COG5: variants seen among roughly 807,000 people sequenced by gnomAD.
COG5 encodes the protein component of oligomeric golgi complex 5, also known as conserved oligomeric Golgi complex subunit 5.
A neutral mutation model predicts 110.4 loss-of-function variants in COG5; 86 were observed. The observed-to-expected ratio is 0.78, with a 90% CI of 0.65 to 0.93. COG5 has a LOEUF of 0.93. COG5 is among the 40% of genes least tolerant of loss of function. The probability of loss-of-function intolerance (pLI) is 0.00; values close to 1 mark genes in which losing one functional copy is unlikely to be tolerated. For synonymous variants in COG5, 360 were observed against 334.6 expected, an observed-to-expected ratio of 1.08 and a Z score of -0.83; for missense variants, 1,077 against 987.0, an observed-to-expected ratio of 1.09 and a Z score of -1.22.
intron 7 of COG5, among the ~76,000 whole-genome samples, chr7:107,397,816 T>C (rs182777285): frequency 6.6e-6 from 1 of 152,228 alleles, no homozygotes; most frequent in Non-Finnish European, 1.5e-5. Context: ...GAAAAAGATT[T>C]AGGCAGAAAT....
intron 19 of COG5, among the ~76,000 whole-genome samples, chr7:107,222,912 C>A (rs185487191): frequency 6.6e-6 from 1 of 152,132 alleles, no homozygotes; most frequent in Non-Finnish European, 1.5e-5. Context: ...TGCATTTCTA[C>A]TCAGCAAGAT....
At chr7:107,392,303 T>C (rs1790677124) in intron 7 of COG5, among the ~76,000 whole-genome samples, 1 of 152,162 alleles carries the variant, frequency 6.6e-6, no homozygotes, top group Admixed American at 6.5e-5. Context: ...TGAGCTCCTA[T>C]TATGAACCAG....
intron 21 of COG5, among the ~76,000 whole-genome samples, chr7:107,205,038 G>C (rs917993007): frequency 6.6e-6 from 1 of 152,006 alleles, no homozygotes; most frequent in African/African-American, 2.4e-5. Context: ...TCTCCCCTTC[G>C]CTTCACTTTG....
At chr7:107,328,880 G>T (rs947002664) in intron 10 of COG5, among the ~76,000 whole-genome samples, 1 of 152,040 alleles carries the variant, frequency 6.6e-6, no homozygotes, top group Admixed American at 6.6e-5. Context: ...GAGTGCAGTG[G>T]TGTGATCTTG....
Position 107,294,950 on chromosome 7 carries a change from C to CAT in COG5, c.1313+3190_1313+3191dup, listed in dbSNP as rs1212275717. ...ATATATACACACACACACACACACA[C>CAT]ATATATATATACACACATATATATA... On this transcript the variant is annotated intron_variant, in intron 12 of 21. Coordinates refer to ENST00000297135, the MANE Select transcript of COG5 (RefSeq NM_006348.5). Among the ~76,000 whole-genome samples, 25 of 84,948 alleles carry CAT rather than the reference C, an allele frequency of 2.9e-4. 1 individual carries two copies. The highest frequency in any genetic ancestry group is 1.3e-3 in the East Asian group (4 of 3,178). 55.7% of individuals were successfully genotyped at this position (84,948 alleles called of 152,430 possible).
rs573877190 is a variant in COG5, at chr7:107,409,114, G to A, written c.669+3388C>T. 4.0e-5 allele frequency among the ~76,000 whole-genome samples: 6 copies of A among 150,214 alleles called. No homozygotes were observed. The South Asian group carries it at 6.3e-4, about 16-fold the overall frequency. ...AAGTTATCAGCAAATGGGAATATAC[G>A]AGATCATCAAGGAAAAGCATTTAGA... is the stretch of plus-strand genomic sequence containing the variant. On this transcript the variant is annotated intron_variant, in intron 7 of 21. Coordinates refer to ENST00000297135, the MANE Select transcript of COG5 (RefSeq NM_006348.5).
At chr7:107,266,607 TTTC>T (rs1201512388) in intron 14 of COG5, among the ~76,000 whole-genome samples, 1 of 152,212 alleles carries the variant, frequency 6.6e-6, no homozygotes, top group Non-Finnish European at 1.5e-5. Flanking sequence ...GGTTGTAAAC[TTTC>T]TTGTTTAATA....
chr7:107,349,190 C>T (rs1811906659), intron 10 of COG5, among the ~76,000 whole-genome samples: 1 of 152,192 alleles, frequency 6.6e-6, no homozygotes, highest in African/African-American at 2.4e-5. Context: ...TATATATTGA[C>T]TTAGCCCTAA....
chr7:107,227,282 T>C (rs966875671), intron 19 of COG5, among the ~76,000 whole-genome samples: 1 of 152,204 alleles, frequency 6.6e-6, no homozygotes, highest in South Asian at 2.1e-4. Context: ...TCCATGTATA[T>C]GTATATAGAT....
chr7:107,227,534 A>C (rs2116370164), intron 19 of COG5, among the ~76,000 whole-genome samples: 1 of 152,340 alleles, frequency 6.6e-6, no homozygotes, highest in East Asian at 1.9e-4. Flanking sequence ...TCATGTGAGA[A>C]TTGGAAAGGG....
At chr7:107,304,419 C>T (rs937854092) in intron 11 of COG5, among the ~76,000 whole-genome samples, 19 of 152,222 alleles carry the variant, frequency 1.2e-4, no homozygotes, top group Admixed American at 1.0e-3. Context: ...GTCTTATTTT[C>T]CTCTGTGTTT....
chr7:107,250,698 A>T (rs1270343418), intron 16 of COG5, among the ~76,000 whole-genome samples: 1 of 152,152 alleles, frequency 6.6e-6, no homozygotes, highest in Non-Finnish European at 1.5e-5. Context: ...AATGTAAAAA[A>T]AAAGTTATAT....
At position 107,256,713 on chromosome 7, in the gene COG5, A is replaced by G; in HGVS notation, c.1749+19T>C. 1 of 1,575,704 alleles carries G rather than the reference A, an allele frequency of 6.3e-7. No homozygotes were observed. The highest frequency in any genetic ancestry group is 1.1e-5 in the South Asian group (1 of 89,694). ...TAAAACCACTTTGATCTATAGAGTC[A>G]AAGATTAAATTCTTTTACCTTTAGA... is the stretch of plus-strand genomic sequence containing the variant. On this transcript the variant is annotated intron_variant, in intron 16 of 21. Coordinates refer to ENST00000297135, the MANE Select transcript of COG5 (RefSeq NM_006348.5).
At chr7:107,386,514 T>C (rs1386806251) in intron 7 of COG5, among the ~76,000 whole-genome samples, 1 of 151,990 alleles carries the variant, frequency 6.6e-6, no homozygotes, top group Non-Finnish European at 1.5e-5. Flanking sequence ...GCGCAGTCAG[T>C]GAGTAATCAG....
At chr7:107,269,474 C>CA (rs200139122) in intron 14 of COG5, among the ~76,000 whole-genome samples, 905 of 88,340 alleles carry the variant, frequency 0.01, 3 homozygotes, top group African/African-American at 0.013. Flanking sequence ...GACTCCGTCT[C>CA]AAAAAAAAAA....
chr7:107,554,806 C>G (rs1377511816), intron 2 of COG5, among the ~76,000 whole-genome samples: 1 of 152,032 alleles, frequency 6.6e-6, no homozygotes, highest in Non-Finnish European at 1.5e-5. Flanking sequence ...GTATTAAGAG[C>G]CCTGCACTAA....
chr7:107,527,278 C>T lies in COG5; in HGVS notation c.497G>A (p.Ser166Asn). ...CTGAGCAGCTTTTGTTATCTCTCTA[C>T]TTCCCCCTTGCAGTTGTCCTTGGAG... ...KRLQGQLQGG[S>N]REITKAAQSL... The change falls in exon 6 of 22, where the codon AGT becomes AAT. Residue 166 changes from serine (S) to asparagine (N), a missense_variant. Coordinates refer to ENST00000297135, the MANE Select transcript of COG5 (RefSeq NM_006348.5). The T allele has an allele frequency of 6.2e-7, 1 of 1,609,336 alleles. No individual in the cohort carries two copies.
intron 19 of COG5, among the ~76,000 whole-genome samples, chr7:107,222,106 C>T (rs1799974455): frequency 6.6e-6 from 1 of 152,146 alleles, no homozygotes; most frequent in African/African-American, 2.4e-5. Flanking sequence ...GCAGCCCAGC[C>T]CACACAGAGG....
intron 6 of COG5, among the ~76,000 whole-genome samples, chr7:107,483,292 T>C (rs1380711016): frequency 1.4e-4 from 21 of 152,228 alleles, no homozygotes; most frequent in Non-Finnish European, 1.5e-5. Flanking sequence ...ATCGATATTA[T>C]CTTTTGTTAT....
Sources: gnomAD v4.1 joint callset for allele counts (sites outside exome capture counted in the v4.1 genomes callset) on GRCh38, gnomAD v4.1.1 for gene constraint, MANE v1.5 for transcripts, NCBI Gene and HGNC (gene_info 2026-07-23, HGNC 2026-07-21) for gene names.